Variants in TRPC4 observed in about 807,000 individuals in gnomAD.
TRPC4 encodes the protein short transient receptor potential channel 4.
A neutral mutation model predicts 99.4 loss-of-function variants in TRPC4; 49 were observed. That is an observed-to-expected ratio of 0.49 (90% confidence interval 0.39 to 0.63). TRPC4 has a LOEUF of 0.63. TRPC4 is among the 20% of genes least tolerant of loss of function. The probability of loss-of-function intolerance (pLI) is 0.00; values close to 1 mark genes in which losing one functional copy is unlikely to be tolerated. For missense variants in TRPC4, 898 were observed against 1,152.9 expected, an observed-to-expected ratio of 0.78 and a Z score of 3.20; for synonymous variants, 454 against 425.9, an observed-to-expected ratio of 1.07 and a Z score of -0.81.
chr13:37,796,640 C>A (rs942938730), intron 1 of TRPC4, among the ~76,000 whole-genome samples: 1 of 152,002 alleles, frequency 6.6e-6, no homozygotes, highest in African/African-American at 2.4e-5. Flanking sequence ...AATATTAGTA[C>A]CTCAGATCTG....
chr13:37,733,155 T>TGCATGTACCTC (rs1211294723), intron 3 of TRPC4, among the ~76,000 whole-genome samples: 1 of 152,070 alleles, frequency 6.6e-6, no homozygotes, highest in Admixed American at 6.6e-5. Flanking sequence ...TACCTGTGGT[T>TGCATGTACCTC]CCAGCTACCT....
chr13:37,848,698 G>T lies in TRPC4; in HGVS notation c.-28+20897C>A, dbSNP rs9548078. On this transcript the variant is annotated intron_variant, in intron 1 of 10. Transcript: ENST00000379705. ...AAAAGGTTACTGAAATTATTATCAAGAACAACTTCAAGCAGACCAGGGAAA... is the reference window on the plus strand; with the variant it reads ...AAAAGGTTACTGAAATTATTATCAATAACAACTTCAAGCAGACCAGGGAAA... Among the ~76,000 whole-genome samples, 4 of 151,922 alleles carry T rather than the reference G, an allele frequency of 2.6e-5. No homozygotes were observed. The South Asian group carries it at 8.3e-4, about 31-fold the overall frequency.
chr13:37,682,089 G>A (rs2138816494), intron 4 of TRPC4, among the ~76,000 whole-genome samples: 1 of 152,274 alleles, frequency 6.6e-6, no homozygotes, highest in South Asian at 2.1e-4. Context: ...TGACAAATGT[G>A]TAACTCTGCA....
chr13:37,658,971 AG>A (rs1488546855), intron 6 of TRPC4, among the ~76,000 whole-genome samples: 1 of 152,174 alleles, frequency 6.6e-6, no homozygotes, highest in African/African-American at 2.4e-5. Context: ...GGGCAGAATA[AG>A]GCCATTCTCG....
chr13:37,779,356 T>G (rs560276450), intron 2 of TRPC4, among the ~76,000 whole-genome samples: 1 of 152,016 alleles, frequency 6.6e-6, no homozygotes, highest in African/African-American at 2.4e-5. Flanking sequence ...TCCTGCTTAG[T>G]GTAGAGAATC....
chr13:37,819,708 C>G (rs1268779712), intron 1 of TRPC4, among the ~76,000 whole-genome samples: 1 of 151,614 alleles, frequency 6.6e-6, no homozygotes, highest in African/African-American at 2.4e-5. Flanking sequence ...ATCAGGAAAA[C>G]AATGAATGGG....
At chr13:37,789,415 T>A (rs538185671) in intron 1 of TRPC4, among the ~76,000 whole-genome samples, 4 of 152,312 alleles carry the variant, frequency 2.6e-5, no homozygotes, top group African/African-American at 9.6e-5. Flanking sequence ...GCCTTTTTTA[T>A]GCATCTTTAT....
At chr13:37,785,616 T>C (rs12869200) in intron 1 of TRPC4, among the ~76,000 whole-genome samples, 14,102 of 152,116 alleles carry the variant, frequency 0.093, 662 homozygotes, top group South Asian at 0.13. Flanking sequence ...CACACATGCA[T>C]GCACACATCA....
intron 1 of TRPC4, among the ~76,000 whole-genome samples, chr13:37,815,880 A>C (rs535047376): frequency 2.2e-4 from 31 of 138,752 alleles, no homozygotes; most frequent in Non-Finnish European, 4.6e-4. Flanking sequence ...AAACAATCTC[A>C]GTAAATTAAA....
At position 37,674,453 on chromosome 13, in the gene TRPC4, G is replaced by A. The variant is rs908625826; in HGVS notation, c.1235-86C>T. ...ATACAATTTAACAATTATAGATCTCGAAGCTACAAGAGACCACATTGTTAC... is the reference window on the plus strand; with the variant it reads ...ATACAATTTAACAATTATAGATCTCAAAGCTACAAGAGACCACATTGTTAC... On this transcript the variant is annotated intron_variant, in intron 4 of 10. Coordinates refer to ENST00000379705, the MANE Select transcript of TRPC4 (RefSeq NM_016179.4). The A allele has an allele frequency of 2.4e-5, 34 of 1,418,666 alleles. No homozygotes were observed. In the South Asian group the frequency reaches 2.8e-4, roughly 12 times the overall value. The allele number at this position is 1,418,666 out of a possible 1,614,324, so 87.9% of individuals were successfully genotyped here.
Position 37,783,311 on chromosome 13 carries a change from C to A in TRPC4, c.23G>T (p.Arg8Ile). The A allele has an allele frequency of 6.3e-7, 1 of 1,584,316 alleles. No homozygotes were observed. The highest frequency in any genetic ancestry group is 8.6e-7 in the Non-Finnish European group (1 of 1,167,878). Residue 8 changes from arginine to isoleucine, a missense_variant, in exon 2 of 11, where the codon AGA becomes ATA. This residue lies in a region of TRPC4 where 278 missense variants were observed against 346.6 expected (regional missense o/e 0.80). Coordinates refer to ENST00000379705, the MANE Select transcript of TRPC4 (RefSeq NM_016179.4). ...GTCTCTATAGGGAGCATTAACATTT[C>A]TTTTGTAATAGAACTGAGCCATGTT... The part of the protein sequence containing the change: MAQFYYK[R>I]NVNAPYRDRI...
rs150387663 is a variant in TRPC4 at position 37,709,373 on chromosome 13, T to C, written c.898-17038A>G. Among the ~76,000 whole-genome samples the C allele has an allele frequency of 2.9e-3, 435 of 152,062 alleles. 2 individuals are homozygous for C. The highest frequency in any genetic ancestry group is 0.01 in the African/African-American group (425 of 41,516). On this transcript the variant is annotated intron_variant, in intron 3 of 10. Coordinates refer to ENST00000379705, the MANE Select transcript of TRPC4 (RefSeq NM_016179.4). ...GGAAGGATATTAACCAAGCATAAAA[T>C]ATTTTGCTGTAATAGTGAAGAGTAC...
chr13:37,785,541 T>C (rs1445743964), intron 1 of TRPC4, among the ~76,000 whole-genome samples: 1 of 152,102 alleles, frequency 6.6e-6, no homozygotes, highest in Admixed American at 6.6e-5. Context: ...ATTTTTAGCT[T>C]GAGACTGGTG....
intron 2 of TRPC4, among the ~76,000 whole-genome samples, chr13:37,759,976 T>C (rs1481166385): frequency 6.6e-6 from 1 of 152,032 alleles, no homozygotes; most frequent in African/African-American, 2.4e-5. Context: ...GTGTGAAATA[T>C]TGTGATGCCA....
chr13:37,670,728 T>C (rs1055945551), intron 5 of TRPC4, among the ~76,000 whole-genome samples: 3 of 152,154 alleles, frequency 2.0e-5, no homozygotes, highest in African/African-American at 7.2e-5. Context: ...ATTTATAGGG[T>C]AAAATAAAAG....
At chr13:37,748,217 A>G (rs1955839107) in intron 2 of TRPC4, among the ~76,000 whole-genome samples, 1 of 152,156 alleles carries the variant, frequency 6.6e-6, no homozygotes, top group African/African-American at 2.4e-5. Flanking sequence ...AGACTACTGT[A>G]CTTTTAGTGT....
chr13:37,796,727 C>T (rs1593764171), intron 1 of TRPC4, among the ~76,000 whole-genome samples: 1 of 151,812 alleles, frequency 6.6e-6, no homozygotes, highest in African/African-American at 2.4e-5. Flanking sequence ...CCCTATTTGT[C>T]ACTGTCCCAT....
intron 1 of TRPC4, among the ~76,000 whole-genome samples, chr13:37,832,108 C>T (rs75953073): frequency 0.033 from 4,955 of 152,044 alleles, 274 homozygotes; most frequent in African/African-American, 0.11. Flanking sequence ...TCAAACATTC[C>T]GCAAGGTATA....
intron 1 of TRPC4, among the ~76,000 whole-genome samples, chr13:37,858,247 T>C (rs1959190529): frequency 6.6e-6 from 1 of 151,654 alleles, no homozygotes; most frequent in Admixed American, 6.6e-5. Flanking sequence ...ATGGCTTCTA[T>C]TCAAAAGGCA....
Sources: allele counts gnomAD v4.1 joint callset (sites outside exome capture counted in the v4.1 genomes callset), GRCh38; gene constraint gnomAD v4.1.1; regional missense constraint gnomAD v4.1.1; transcripts MANE v1.5; gene names NCBI Gene and HGNC (gene_info 2026-07-23, HGNC 2026-07-21).